Variants in GPCPD1 observed in about 807,000 individuals in gnomAD.
GPCPD1 encodes the protein glycerophosphocholine phosphodiesterase GPCPD1.
Under a neutral mutation model 89.2 loss-of-function variants are expected in GPCPD1, and 29 were observed. The ratio of observed to expected loss-of-function variants is 0.33; its 90% confidence interval spans 0.24 to 0.44. The LOEUF is 0.44. GPCPD1 is among the 20% of genes least tolerant of loss of function. The pLI, the probability that GPCPD1 is intolerant of heterozygous loss-of-function variation, is 1.00. For missense variants in GPCPD1, 594 were observed against 808.9 expected, an observed-to-expected ratio of 0.73 and a Z score of 3.22; for synonymous variants, 258 against 266.3, an observed-to-expected ratio of 0.97 and a Z score of 0.30.
intron 1 of GPCPD1, among the ~76,000 whole-genome samples, chr20:5,610,312 A>T (rs1980878220): frequency 6.6e-6 from 1 of 152,268 alleles, no homozygotes; most frequent in South Asian, 2.1e-4. Flanking sequence ...AAGGCACTTT[A>T]GTTTCTTGGA....
intron 18 of GPCPD1, 90 bp from the exon 19 acceptor site, chr20:5,558,195 C>T: frequency 2.9e-6 from 2 of 698,860 alleles, no homozygotes; most frequent in African/African-American, 1.8e-5. Flanking sequence ...CTCCAAAGTA[C>T]AGCAGGCGGG....
intron 5 of GPCPD1, 71 bp downstream of exon 5, chr20:5,586,123 C>A: frequency 1.4e-6 from 1 of 712,768 alleles, no homozygotes. Context: ...TATTAAATCC[C>A]ACTAAGCCAT....
At chr20:5,558,909 G>C in intron 17 of GPCPD1, 90 bp from the exon 18 acceptor site, 1 of 989,572 alleles carries the variant, frequency 1.0e-6, no homozygotes. Flanking sequence ...AAAGTATAAA[G>C]AAAACAAACG....
At chr20:5,550,657 T>C (rs549341133) in intron 19 of GPCPD1, among the ~76,000 whole-genome samples, 2 of 152,348 alleles carry the variant, frequency 1.3e-5, no homozygotes, top group African/African-American at 2.4e-5. Context: ...ATGGTAAAGA[T>C]GATGGAGAAT....
intron 3 of GPCPD1, among the ~76,000 whole-genome samples, chr20:5,594,539 G>A (rs548466828): frequency 2.6e-5 from 4 of 151,730 alleles, no homozygotes; most frequent in South Asian, 2.1e-4. Flanking sequence ...TGATCCAACC[G>A]CCTCGGCCTC....
intron 19 of GPCPD1, among the ~76,000 whole-genome samples, chr20:5,555,036 T>C (rs979328626): frequency 1.3e-5 from 2 of 152,218 alleles, no homozygotes; most frequent in African/African-American, 4.8e-5. Flanking sequence ...AAGATGTGAC[T>C]GAATTGCTGC....
chr20:5,604,615 G>GGA (rs113976291), intron 1 of GPCPD1, among the ~76,000 whole-genome samples, 175 bp from the exon 2 acceptor site: 8,078 of 78,000 alleles, frequency 0.1, 1,849 homozygotes, highest in African/African-American at 0.26. Flanking sequence ...TTAGTGCGGG[G>GGA]GGGGGGGGGC....
rs540765405 is a variant in GPCPD1 at position 5,599,053 on chromosome 20, G to A, written c.50-232C>T. Among the ~76,000 whole-genome samples the A allele has an allele frequency of 9.8e-5, 15 of 152,294 alleles. No individual in the cohort carries two copies. In the East Asian group the frequency reaches 2.9e-3, roughly 29 times the overall value. On this transcript the variant is annotated intron_variant, in intron 2 of 19. Transcript: ENST00000379019. ...GAGAAAAGGGGGAAGGCATACGGAT[G>A]AAGTTTTCTTCATCTGTTCAACTAC...
chr20:5,563,880 TCA>T (rs1473296185), intron 15 of GPCPD1, among the ~76,000 whole-genome samples: 4 of 152,258 alleles, frequency 2.6e-5, no homozygotes, highest in Admixed American at 1.3e-4. Context: ...CCTTTCTAAA[TCA>T]CACACACATT....
chr20:5,566,549 C>T (rs138424826), intron 14 of GPCPD1, among the ~76,000 whole-genome samples, 184 bp downstream of exon 14: 1 of 152,190 alleles, frequency 6.6e-6, no homozygotes, highest in Non-Finnish European at 1.5e-5. Flanking sequence ...GGTTACTATA[C>T]ACATGATATA....
chr20:5,604,308 G>A (rs984511786), intron 2 of GPCPD1, 56 bp downstream of exon 2: 6 of 897,804 alleles, frequency 6.7e-6, no homozygotes, highest in East Asian at 4.8e-5. Context: ...AGGTAATCCA[G>A]ATAAGAAACA....
intron 11 of GPCPD1, among the ~76,000 whole-genome samples, chr20:5,573,285 C>T (rs1986821059): frequency 6.6e-6 from 1 of 152,070 alleles, no homozygotes; most frequent in Non-Finnish European, 1.5e-5. Context: ...TGGGTTTCAC[C>T]ATGTTGGCCA....
chr20:5,607,759 A>C lies in GPCPD1; in HGVS notation c.-29+3083T>G, dbSNP rs112844795. On this transcript the variant is annotated intron_variant, in intron 1 of 19. Transcript: ENST00000379019. ...CTTGAACCCAGAAGGTGGAGGTTGC[A>C]GTGAGCTGAGATTGTGCCACCACAC... Among the ~76,000 whole-genome samples, 1,139 of 151,568 alleles carry C rather than the reference A, an allele frequency of 7.5e-3. 8 individuals are homozygous for C. The highest frequency in any genetic ancestry group is 0.026 in the African/African-American group (1,062 of 41,318).
intron 8 of GPCPD1, among the ~76,000 whole-genome samples, chr20:5,576,931 G>C (rs1319665681): frequency 6.6e-6 from 1 of 152,092 alleles, no homozygotes; most frequent in African/African-American, 2.4e-5. Flanking sequence ...CAGGCCAGGA[G>C]CAGAGGCTCA....
At position 5,578,043 on chromosome 20, in the gene GPCPD1, C is replaced by T. The variant is rs141213172; in HGVS notation, c.705+337G>A. Among the ~76,000 whole-genome samples, 675 of 152,294 alleles carry T rather than the reference C, an allele frequency of 4.4e-3. 5 individuals carry two copies. Among genetic ancestry groups the T allele is most frequent in the Middle Eastern group, 0.014 (4 of 294 alleles). On this transcript the variant is annotated intron_variant, in intron 8 of 19. Transcript: ENST00000379019. ...GAGAACTCAATCACGCTTGTTACATCGGGATGCCCGCCAAGAGGTACAAAG... is the reference window on the plus strand; with the variant it reads ...GAGAACTCAATCACGCTTGTTACATTGGGATGCCCGCCAAGAGGTACAAAG...
At chr20:5,547,988 AAAG>A (rs775624166) in intron 19 of GPCPD1, 138 bp from the exon 20 acceptor site, 1 of 489,600 alleles carries the variant, frequency 2.0e-6, no homozygotes, top group Non-Finnish European at 3.6e-6. Flanking sequence ...GTTTTGTTTT[AAAG>A]ATGAAAGTAT....
intron 19 of GPCPD1, among the ~76,000 whole-genome samples, chr20:5,550,822 A>G (rs1031325415): frequency 6.6e-6 from 1 of 152,226 alleles, no homozygotes; most frequent in Non-Finnish European, 1.5e-5. Context: ...GAACCAAGAG[A>G]GGAAAAGATA....
intron 17 of GPCPD1, among the ~76,000 whole-genome samples, chr20:5,559,149 C>T (rs947642129): frequency 4.6e-5 from 7 of 151,314 alleles, no homozygotes; most frequent in Admixed American, 1.3e-4. Flanking sequence ...TGCAGTGAGC[C>T]GAGATCACAC....
chr20:5,550,226 C>A (rs1324034300), intron 19 of GPCPD1, among the ~76,000 whole-genome samples: 1 of 106,614 alleles, frequency 9.4e-6, no homozygotes. Context: ...AAACAAAAAA[C>A]ATAAAAGCTC....
Sources: allele counts gnomAD v4.1 joint callset (sites outside exome capture counted in the v4.1 genomes callset), GRCh38; gene constraint gnomAD v4.1.1; transcripts MANE v1.5; gene names NCBI Gene and HGNC (gene_info 2026-07-23, HGNC 2026-07-21).